The following SNTG1 variants were observed in gnomAD, a reference collection of about 807,000 sequenced individuals.
The protein encoded by SNTG1 is gamma-1-syntrophin.
SNTG1 carries 39 observed loss-of-function variants against 74.7 expected under a neutral mutation model. The observed-to-expected ratio is 0.52, with a 90% CI of 0.40 to 0.68. The LOEUF (loss-of-function observed/expected upper bound fraction) is 0.68. Among genes scored for constraint, SNTG1 ranks in the 30% least tolerant of loss-of-function variants. SNTG1 has a pLI of 0.00. For synonymous variants in SNTG1, 254 were observed against 217.1 expected (o/e 1.17, Z -1.49); for missense variants, 685 against 609.5 (o/e 1.12, Z -1.30).
At chr8:50,674,570 T>C (rs1017101411) in intron 15 of SNTG1, among the ~76,000 whole-genome samples, 1 of 152,030 alleles carries the variant, frequency 6.6e-6, no homozygotes. Context: ...TCTCTTTTCT[T>C]CTTAGTTTAG....
intron 13 of SNTG1, among the ~76,000 whole-genome samples, chr8:50,627,532 G>A (rs1015175999): frequency 6.6e-6 from 1 of 152,036 alleles, no homozygotes; most frequent in African/African-American, 2.4e-5. Context: ...ATAAATTTTT[G>A]TTCTTTATAA....
chr8:50,528,382 A>G (rs1041070624), intron 9 of SNTG1, among the ~76,000 whole-genome samples: 6 of 151,992 alleles, frequency 3.9e-5, no homozygotes, highest in Admixed American at 3.9e-4. Context: ...ATTTTCTCAA[A>G]TATTTTTCTA....
At chr8:50,660,706 TA>T (rs36097679) in intron 15 of SNTG1, among the ~76,000 whole-genome samples, 1 of 152,110 alleles carries the variant, frequency 6.6e-6, no homozygotes, top group Non-Finnish European at 1.5e-5. Context: ...TCCTCTCTTT[TA>T]AAAAAAGCTA....
chr8:49,925,634 G>A (rs1052354159), intron 1 of SNTG1, among the ~76,000 whole-genome samples: 1 of 152,124 alleles, frequency 6.6e-6, no homozygotes, highest in South Asian at 2.1e-4. Flanking sequence ...CCACTGTTCT[G>A]CTCTCTATCT....
intron 17 of SNTG1, among the ~76,000 whole-genome samples, chr8:50,723,662 G>A (rs1381192595): frequency 1.3e-5 from 2 of 152,042 alleles, no homozygotes; most frequent in African/African-American, 2.4e-5. Flanking sequence ...ATTATTGCAC[G>A]TCCCCTGCAT....
At chr8:49,954,396 T>C (rs1392838349) in intron 1 of SNTG1, among the ~76,000 whole-genome samples, 3 of 152,180 alleles carry the variant, frequency 2.0e-5, no homozygotes, top group Admixed American at 6.5e-5. Context: ...GGCTGTAAGA[T>C]CTAATAAGTA....
Position 50,659,641 on chromosome 8 carries a change from A to T in SNTG1, c.1038+978A>T, listed in dbSNP as rs547660435. Among the ~76,000 whole-genome samples, 217 of 152,320 alleles carry T rather than the reference A, an allele frequency of 1.4e-3. 1 individual carries two copies. Among genetic ancestry groups the T allele is most frequent in the African/African-American group, 4.9e-3 (204 of 41,588 alleles). ...TGAAGTGCAAAATCCAGCCAAAAGTATAGTTCATTGATTGCTCATCACTGT... is the reference window on the plus strand; with the variant it reads ...TGAAGTGCAAAATCCAGCCAAAAGTTTAGTTCATTGATTGCTCATCACTGT... On this transcript the variant is annotated intron_variant, in intron 15 of 18. Coordinates refer to ENST00000642720, the MANE Select transcript of SNTG1 (RefSeq NM_018967.5).
chr8:50,139,678 G>A (rs1240723749), intron 1 of SNTG1, among the ~76,000 whole-genome samples: 1 of 152,210 alleles, frequency 6.6e-6, no homozygotes, highest in African/African-American at 2.4e-5. Flanking sequence ...AAAGAAGAAA[G>A]AGCCCTCTAC....
intron 15 of SNTG1, among the ~76,000 whole-genome samples, chr8:50,677,097 A>G (rs945346682): frequency 3.3e-5 from 5 of 151,996 alleles, no homozygotes; most frequent in East Asian, 1.9e-4. Flanking sequence ...CAATATATTT[A>G]TGAATGATTA....
rs191781242 is a variant in SNTG1, at chr8:50,314,721, C to T, written c.-27-79491C>T. ...ATGATCTATATCACCCCTTCCTTTA[C>T]CCCATGTCGAAATGTAAATGATAAT... On this transcript the variant is annotated intron_variant, in intron 2 of 18. Transcript: ENST00000642720. Among the ~76,000 whole-genome samples, 5 of 150,190 alleles carry T rather than the reference C, an allele frequency of 3.3e-5. 1 individual carries two copies. Among genetic ancestry groups the T allele is most frequent in the Admixed American group, 1.3e-4 (2 of 14,882 alleles).
Position 50,204,548 on chromosome 8 carries a change from A to T in SNTG1, c.-28+31913A>T, listed in dbSNP as rs13268921. 6.3e-3 allele frequency among the ~76,000 whole-genome samples: 959 copies of T among 152,120 alleles called. 9 individuals carry two copies. Among genetic ancestry groups the T allele is most frequent in the Middle Eastern group, 0.01 (3 of 294 alleles). On this transcript the variant is annotated intron_variant, in intron 2 of 18. Coordinates refer to ENST00000642720, the MANE Select transcript of SNTG1 (RefSeq NM_018967.5). ...GTTGAAAATACATCTTTGAAAATAA[A>T]TTTATTTAATCTTAAAATAAGATAT...
intron 15 of SNTG1, among the ~76,000 whole-genome samples, chr8:50,690,884 A>C (rs1417147570): frequency 6.6e-6 from 1 of 152,106 alleles, no homozygotes; most frequent in Non-Finnish European, 1.5e-5. Flanking sequence ...TGGGAGTCTA[A>C]GTCTCTTTGT....
chr8:50,083,277 T>C (rs999109654), intron 1 of SNTG1, among the ~76,000 whole-genome samples: 2 of 152,194 alleles, frequency 1.3e-5, no homozygotes, highest in South Asian at 2.1e-4. Flanking sequence ...TTGCAGTTGA[T>C]TTTTGAGGGG....
chr8:50,314,563 G>C (rs901998482), intron 2 of SNTG1, among the ~76,000 whole-genome samples: 1 of 149,602 alleles, frequency 6.7e-6, no homozygotes, highest in Non-Finnish European at 1.5e-5. Flanking sequence ...TCATCCATTT[G>C]AATAAAGTAT....
At chr8:50,666,903 A>T (rs938193610) in intron 15 of SNTG1, among the ~76,000 whole-genome samples, 1 of 152,038 alleles carries the variant, frequency 6.6e-6, no homozygotes, top group Non-Finnish European at 1.5e-5. Flanking sequence ...TTGATATCAA[A>T]TATATATTTT....
intron 12 of SNTG1, among the ~76,000 whole-genome samples, chr8:50,586,508 G>T (rs2094648986): frequency 6.6e-6 from 1 of 151,968 alleles, no homozygotes. Flanking sequence ...TTCTGTAAAG[G>T]GGGCATCCTT....
intron 2 of SNTG1, among the ~76,000 whole-genome samples, chr8:50,375,597 A>C (rs931083656): frequency 9.2e-5 from 14 of 152,176 alleles, no homozygotes; most frequent in African/African-American, 3.4e-4. Flanking sequence ...TTACAATCCT[A>C]GCCTGTGCTT....
chr8:50,592,787 A>T (rs1020794250), intron 13 of SNTG1, among the ~76,000 whole-genome samples: 2 of 152,196 alleles, frequency 1.3e-5, no homozygotes, highest in East Asian at 3.8e-4. Flanking sequence ...GGCAGCTCAC[A>T]GTTTTGAAAA....
chr8:50,768,283 C>G (rs887640054), intron 18 of SNTG1, among the ~76,000 whole-genome samples: 1 of 151,980 alleles, frequency 6.6e-6, no homozygotes, highest in Non-Finnish European at 1.5e-5. Flanking sequence ...TTCATTTTCT[C>G]ATTGTAAATT....
Sources: gnomAD v4.1 joint callset for allele counts (sites outside exome capture counted in the v4.1 genomes callset) on GRCh38, gnomAD v4.1.1 for gene constraint, MANE v1.5 for transcripts, NCBI Gene and HGNC (gene_info 2026-07-23, HGNC 2026-07-21) for gene names.